Variants in TYMS observed in about 807,000 individuals in gnomAD.
TYMS encodes thymidylate synthase.
TYMS carries 21 observed loss-of-function variants against 39.3 expected under a neutral mutation model. The observed-to-expected ratio is 0.54, with a 90% CI of 0.38 to 0.77. The LOEUF (loss-of-function observed/expected upper bound fraction) is 0.77, where lower values mean the gene tolerates loss of function less well. Ranked by LOEUF, TYMS falls within the 30% of genes least tolerant of loss-of-function variation. The probability of loss-of-function intolerance (pLI) is 0.00; values close to 1 mark genes in which losing one functional copy is unlikely to be tolerated. For synonymous variants in TYMS, 171 were observed against 162.2 expected, an observed-to-expected ratio of 1.05 and a Z score of -0.41; for missense variants, 273 against 406.7, an observed-to-expected ratio of 0.67 and a Z score of 2.83.
In TYMS at chr18:658,338, T is replaced by C. The variant is rs1398586418; in HGVS notation, c.205+391T>C. On this transcript the variant is annotated intron_variant, in intron 1 of 6. Transcript: ENST00000323274. This position sits in a 1 kb window ranked among gnomAD's most constrained non-coding sequence, Gnocchi z 4.5. ...TCAAAGTCCTGGCTTTGGCCCCTCCTCCGTTTTCCCCTGTGGACCATTCCG... is the reference window on the plus strand; with the variant it reads ...TCAAAGTCCTGGCTTTGGCCCCTCCCCCGTTTTCCCCTGTGGACCATTCCG... The C allele has an allele frequency of 3.0e-6, 4 of 1,343,816 alleles. No individual in the cohort carries two copies. Among genetic ancestry groups the C allele is most frequent in the Admixed American group, 4.8e-5 (2 of 41,792 alleles). 83.2% of individuals were successfully genotyped at this position (1,343,816 alleles called of 1,614,324 possible).
intron 6 of TYMS, chr18:671,835 C>T (rs1020800553): frequency 2.7e-5 from 6 of 221,016 alleles, no homozygotes; most frequent in East Asian, 3.4e-4. Flanking sequence ...TGGAGTGTGC[C>T]GTGGTGCGAT....
At chr18:662,444 C>T (rs1349756321) in intron 3 of TYMS, 124 bp downstream of exon 3, 1 of 841,248 alleles carries the variant, frequency 1.2e-6, no homozygotes, top group Non-Finnish European at 1.7e-6. Flanking sequence ...TAGCTTTGAC[C>T]TTGTGAGGGG....
At chr18:668,767 T>C (rs12326481) in intron 3 of TYMS, among the ~76,000 whole-genome samples, 16 of 152,066 alleles carry the variant, frequency 1.1e-4, no homozygotes, top group South Asian at 4.2e-4. Flanking sequence ...ATTGTTGAGA[T>C]TGGAAAGGGT....
rs1450133594 is a variant in TYMS at position 671,091 on chromosome 18, C to T, written c.732+224C>T. 4 of 628,840 alleles carry T rather than the reference C, an allele frequency of 6.4e-6. No individual in the cohort carries two copies. The East Asian group carries it at 1.1e-4, about 17-fold the overall frequency. 39.0% of individuals were successfully genotyped at this position (628,840 alleles called of 1,614,324 possible). Reference sequence around the variant, plus strand: ...AGATCTATACAGGTTGTTTGTGATACAGCTTCTATGGATTTTCTCAAAAGC... The same window carrying T: ...AGATCTATACAGGTTGTTTGTGATATAGCTTCTATGGATTTTCTCAAAAGC... On this transcript the variant is annotated intron_variant, in intron 5 of 6. Coordinates refer to ENST00000323274, the MANE Select transcript of TYMS (RefSeq NM_001071.4).
At position 669,058 on chromosome 18, in the gene TYMS, T is replaced by C. The variant is rs2074924872; in HGVS notation, c.455-14T>C. On this transcript the variant is annotated splice_polypyrimidine_tract_variant and intron_variant, in intron 3 of 6. Transcript: ENST00000323274. ...AATGTATGTACCTGTCCTCTCTTTT[T>C]GACAATTCTACAGATTATTCAGGAC... The C allele has an allele frequency of 1.2e-6, 2 of 1,608,936 alleles. No homozygotes were observed. Among genetic ancestry groups the C allele is most frequent in the Non-Finnish European group, 1.7e-6 (2 of 1,175,428 alleles).
chr18:658,635 GT>G lies in TYMS; in HGVS notation c.205+689del. 3 of 263,954 alleles carry G rather than the reference GT, an allele frequency of 1.1e-5. No individual in the cohort carries two copies. The highest frequency in any genetic ancestry group is 3.5e-5 in the South Asian group (1 of 28,204). The allele number at this position is 263,954 out of a possible 1,614,324, so 16.4% of individuals were successfully genotyped here. ...ATTGGCGCCAGGCTTTCAGGGGACA[GT>G]GGGGCGGGGCGGGGTGGGCACAGGA... On this transcript the variant is annotated intron_variant, in intron 1 of 6. Transcript: ENST00000323274. This position sits in a 1 kb window ranked among gnomAD's most constrained non-coding sequence, Gnocchi z 4.5.
rs2074776571 is a variant in TYMS, at chr18:663,436, G to T, written c.454+1116G>T. On this transcript the variant is annotated intron_variant, in intron 3 of 6. Transcript: ENST00000323274. ...TATTAGCTCTTTGTCAGATGAGTAG[G>T]TTGCAAAAATTTTCTCCCATTTTGT... is the stretch of plus-strand genomic sequence containing the variant. Among the ~76,000 whole-genome samples, 2 of 101,514 alleles carry T rather than the reference G, an allele frequency of 2.0e-5. 1 individual carries two copies. Among genetic ancestry groups the T allele is most frequent in the Non-Finnish European group, 3.7e-5 (2 of 53,768 alleles). The allele number at this position is 101,514 out of a possible 152,430, so 66.6% of individuals were successfully genotyped here. A position where few individuals can be genotyped will look rare whatever the true frequency, so the allele number is the denominator to read the frequency against.
intron 1 of TYMS, 46 bp from the exon 2 acceptor site, chr18:659,595 T>G: frequency 7.8e-6 from 12 of 1,536,288 alleles, no homozygotes; most frequent in South Asian, 1.1e-5. Flanking sequence ...TTGGATGGCA[T>G]GATCTGTCTT....
intron 3 of TYMS, among the ~76,000 whole-genome samples, chr18:665,112 C>T (rs1481845532): frequency 9.9e-5 from 15 of 151,694 alleles, no homozygotes; most frequent in Non-Finnish European, 2.2e-4. Context: ...CCTCTTTGTA[C>T]CTCTGGTAGA....
In TYMS at chr18:658,183, C is replaced by T. The variant is rs1334411084; in HGVS notation, c.205+236C>T. On this transcript the variant is annotated intron_variant, in intron 1 of 6. Transcript: ENST00000323274. The surrounding 1 kb of genome is among the most constrained non-coding windows in gnomAD (Gnocchi z 4.5). The stretch of plus-strand genomic sequence containing the variant: ...GACAGCCGGGAGGTAAGCCGCGTCC[C>T]AGCGGCTCCGCGGCCGGGCTCGCAG... 6.4e-7 allele frequency: 1 copy of T among 1,556,340 alleles called. No individual in the cohort carries two copies. The highest frequency in any genetic ancestry group is 2.4e-5 in the East Asian group (1 of 41,140).
intron 4 of TYMS, 194 bp downstream of exon 4, chr18:669,367 T>A (rs1284107353): frequency 2.4e-5 from 1 of 41,706 alleles, no homozygotes; most frequent in Non-Finnish European, 3.9e-5. Context: ...GCCCAGAGGA[T>A]TTTTTTTTTT....
intron 3 of TYMS, among the ~76,000 whole-genome samples, chr18:666,869 A>G (rs1449740031): frequency 1.3e-5 from 2 of 149,748 alleles, no homozygotes; most frequent in Non-Finnish European, 2.9e-5. Flanking sequence ...AGGTTTTGTT[A>G]GGGATGACGA....
intron 3 of TYMS, chr18:667,807 G>A (rs2074887585): frequency 6.6e-6 from 1 of 152,150 alleles, no homozygotes; most frequent in Admixed American, 6.5e-5. Context: ...TCCGTAGGAT[G>A]TGAGGCCAGT....
In TYMS at chr18:669,184, C is replaced by A. The variant is rs185605209; in HGVS notation, c.556+11C>A. ...CTTGGAATCCAAGAGGTTGAAAGAA[C>A]CCCGTCGTCTTCATTTATACTAACC... On this transcript the variant is annotated intron_variant, in intron 4 of 6. Coordinates refer to ENST00000323274, the MANE Select transcript of TYMS (RefSeq NM_001071.4). 2,949 of 1,610,974 alleles carry A rather than the reference C, an allele frequency of 1.8e-3. 10 individuals are homozygous for A. The highest frequency in any genetic ancestry group is 1.8e-3 in the Non-Finnish European group (2,142 of 1,177,254).
Position 657,755 on chromosome 18 carries a change from G to A in TYMS, c.13G>A (p.Gly5Ser), listed in dbSNP as rs765119393. The change falls in exon 1 of 7, where the codon GGC becomes AGC. Residue 5 changes from glycine to serine, a missense_variant. By Grantham distance (56) the Gly-to-Ser change is moderately conservative. Transcript: ENST00000323274. Reference protein sequence around the residue: MPVAGSELPRRPLPP... With the variant: MPVASSELPRRPLPP... ...CGCCCGCCGCGCCATGCCTGTGGCC[G>A]GCTCGGAGCTGCCGCGCCGGCCCTT... The A allele has an allele frequency of 8.7e-4, 1,227 of 1,406,732 alleles. 4 individuals are homozygous for A. The highest frequency in any genetic ancestry group is 1.1e-3 in the South Asian group (69 of 63,966). The allele number at this position is 1,406,732 out of a possible 1,614,324, so 87.1% of individuals were successfully genotyped here.
Position 667,559 on chromosome 18 carries a change from TGATGGTGATGGA to T in TYMS, c.455-1501_455-1490del, listed in dbSNP as rs1382608061. 3.8e-3 allele frequency among the ~76,000 whole-genome samples: 251 copies of T among 66,280 alleles called. 26 individuals carry two copies. Among genetic ancestry groups the T allele is most frequent in the African/African-American group, 8.3e-3 (76 of 9,208 alleles). The allele number at this position is 66,280 out of a possible 152,430, so 43.5% of individuals were successfully genotyped here. On this transcript the variant is annotated intron_variant, in intron 3 of 6. Coordinates refer to ENST00000323274, the MANE Select transcript of TYMS (RefSeq NM_001071.4). ...GTGATGGTGATGGTGATGGAGATGG[TGATGGTGATGGA>T]GATGGTGATGGTGATGGTGATGGTG... is the stretch of plus-strand genomic sequence containing the variant.
intron 4 of TYMS, 184 bp downstream of exon 4, chr18:669,357 G>C (rs554205011): frequency 1.7e-4 from 80 of 471,216 alleles, no homozygotes; most frequent in African/African-American, 1.5e-3. Flanking sequence ...ATGAGGTTGG[G>C]CCCAGAGGAT....
chr18:671,199 G>A (rs932226866), intron 5 of TYMS, 181 bp from the exon 6 acceptor site: 1 of 622,518 alleles, frequency 1.6e-6, no homozygotes, highest in Admixed American at 2.8e-5. Context: ...CTTGAGGTCT[G>A]GAGTTCAATA....
chr18:667,781 C>A (rs1247721062), intron 3 of TYMS: 4 of 152,150 alleles, frequency 2.6e-5, no homozygotes, highest in African/African-American at 9.7e-5. Flanking sequence ...GTTGCCTGCA[C>A]CTCAGTTGTA....
Sources: gnomAD v4.1 joint callset for allele counts (sites outside exome capture counted in the v4.1 genomes callset) on GRCh38, gnomAD v4.1.1 for gene constraint, Gnocchi (gnomAD v3.1) non-coding constraint, MANE v1.5 for transcripts, NCBI Gene and HGNC (gene_info 2026-07-23, HGNC 2026-07-21) for gene names.